Variants in ANKS1B observed in about 807,000 individuals in gnomAD.
ANKS1B encodes the protein ankyrin repeat and sterile alpha motif domain containing 1B.
Under a neutral mutation model 148.3 loss-of-function variants are expected in ANKS1B, and 36 were observed. The ratio of observed to expected loss-of-function variants is 0.24; its 90% CI spans 0.19 to 0.32. ANKS1B has a LOEUF of 0.32. ANKS1B is among the 10% of genes least tolerant of loss of function. ANKS1B has a pLI of 1.00. For synonymous variants in ANKS1B, 542 were observed against 560.8 expected (o/e 0.97, Z 0.47); for missense variants, 1,157 against 1,542.6 (o/e 0.75, Z 4.19).
intron 12 of ANKS1B, among the ~76,000 whole-genome samples, chr12:99,377,110 C>T (rs112654074): frequency 0.12 from 18,847 of 151,784 alleles, 1,232 homozygotes; most frequent in African/African-American, 0.17. Flanking sequence ...CAGGTTCAAG[C>T]GATTCTCCTG....
intron 9 of ANKS1B, among the ~76,000 whole-genome samples, chr12:99,595,376 T>C (rs1255536041): frequency 6.6e-6 from 1 of 151,940 alleles, no homozygotes; most frequent in African/African-American, 2.4e-5. Flanking sequence ...CTCGTGTTAT[T>C]AGAAAATTGT....
At chr12:99,652,160 A>G (rs2098424584) in intron 9 of ANKS1B, among the ~76,000 whole-genome samples, 1 of 152,012 alleles carries the variant, frequency 6.6e-6, no homozygotes, top group African/African-American at 2.4e-5. Context: ...AGACACACAC[A>G]CACACACATT....
chr12:99,476,827 G>A (rs563566633), intron 10 of ANKS1B, among the ~76,000 whole-genome samples: 5 of 152,024 alleles, frequency 3.3e-5, no homozygotes, highest in Non-Finnish European at 7.4e-5. Flanking sequence ...TCAGGGTCTC[G>A]AAGGCTGCAA....
intron 9 of ANKS1B, among the ~76,000 whole-genome samples, chr12:99,616,169 T>C (rs1188780678): frequency 4.6e-5 from 7 of 152,182 alleles, no homozygotes; most frequent in Non-Finnish European, 7.3e-5. Context: ...AAACGTTCCA[T>C]GCTCATGGAT....
intron 12 of ANKS1B, among the ~76,000 whole-genome samples, chr12:99,325,360 G>A (rs2086112247): frequency 6.6e-6 from 1 of 152,062 alleles, no homozygotes; most frequent in South Asian, 2.1e-4. Context: ...GCTTTATGAA[G>A]AGTTTATGGG....
rs530830457 is a variant in ANKS1B, at chr12:99,528,093, G to A, written c.1273-23452C>T. ...ACATGTCTACAACCATTTGATCTTC[G>A]CCAAACCTGACAAAAACAAGCAACG... On this transcript the variant is annotated intron_variant, in intron 9 of 26. Transcript: ENST00000683438. Among the ~76,000 whole-genome samples, 121 of 151,988 alleles carry A rather than the reference G, an allele frequency of 8.0e-4. No individual in the cohort carries two copies. In the Middle Eastern group the frequency reaches 0.014, roughly 17 times the overall value.
intron 9 of ANKS1B, among the ~76,000 whole-genome samples, chr12:99,551,467 C>T (rs2097216606): frequency 1.4e-5 from 2 of 144,296 alleles, no homozygotes; most frequent in South Asian, 4.4e-4. Flanking sequence ...TGGCAGGAAC[C>T]ATAACCTAAC....
chr12:99,944,678 T>C (rs1414274726), intron 1 of ANKS1B, among the ~76,000 whole-genome samples: 1 of 152,150 alleles, frequency 6.6e-6, no homozygotes, highest in African/African-American at 2.4e-5. Flanking sequence ...TCTTAATCTA[T>C]AAGGACTTTA....
At chr12:99,055,464 A>G (rs2099968988) in intron 16 of ANKS1B, among the ~76,000 whole-genome samples, 1 of 152,222 alleles carries the variant, frequency 6.6e-6, no homozygotes, top group Admixed American at 6.5e-5. Context: ...GAACTGTGCA[A>G]TGGGGTTACC....
chr12:99,602,160 G>A (rs1003006402), intron 9 of ANKS1B, among the ~76,000 whole-genome samples: 5 of 151,958 alleles, frequency 3.3e-5, no homozygotes, highest in African/African-American at 1.2e-4. Context: ...GCATGCTAAA[G>A]TGCCATACTT....
chr12:99,465,942 C>T (rs958133681), intron 10 of ANKS1B, among the ~76,000 whole-genome samples: 1 of 152,122 alleles, frequency 6.6e-6, no homozygotes, highest in African/African-American at 2.4e-5. Context: ...ACCAAGCAGA[C>T]CTAATAGACA....
chr12:99,107,622 A>G (rs2059489068), intron 15 of ANKS1B, among the ~76,000 whole-genome samples: 1 of 152,204 alleles, frequency 6.6e-6, no homozygotes, highest in African/African-American at 2.4e-5. Context: ...ACTAGTAACT[A>G]AAAAAGATTA....
chr12:99,696,884 A>G (rs1023323329), intron 8 of ANKS1B, among the ~76,000 whole-genome samples: 5 of 152,204 alleles, frequency 3.3e-5, no homozygotes, highest in African/African-American at 1.2e-4. Flanking sequence ...ATACAACATA[A>G]GAAAACAAAT....
chr12:99,881,987 A>G (rs1256976345), intron 1 of ANKS1B, among the ~76,000 whole-genome samples: 1 of 152,244 alleles, frequency 6.6e-6, no homozygotes, highest in African/African-American at 2.4e-5. Context: ...GATGATACAT[A>G]TGTTAGAATT....
chr12:99,147,957 C>A (rs1317973405), intron 15 of ANKS1B, among the ~76,000 whole-genome samples: 1 of 151,916 alleles, frequency 6.6e-6, no homozygotes, highest in Admixed American at 6.6e-5. Flanking sequence ...CAGATCAGAG[C>A]TGACTTAAAA....
At chr12:99,253,404 A>T (rs775860205) in intron 12 of ANKS1B, among the ~76,000 whole-genome samples, 4 of 152,130 alleles carry the variant, frequency 2.6e-5, no homozygotes, top group Non-Finnish European at 4.4e-5. Flanking sequence ...TCAAGCAGAG[A>T]AAAACCTGTA....
chr12:98,782,063 G>A (rs1566434221), intron 23 of ANKS1B, 63 bp downstream of exon 23: 7 of 1,395,650 alleles, frequency 5.0e-6, no homozygotes, highest in Non-Finnish European at 7.0e-6. Context: ...CCAGCAGTCA[G>A]TTTACTTCAT....
intron 17 of ANKS1B, among the ~76,000 whole-genome samples, chr12:98,874,537 A>C (rs887384237): frequency 1.4e-4 from 22 of 152,144 alleles, no homozygotes; most frequent in Admixed American, 9.8e-4. Context: ...GAAGGTGTTT[A>C]AGAGGTGACA....
At chr12:98,997,317 T>G (rs1458854561) in intron 17 of ANKS1B, among the ~76,000 whole-genome samples, 1 of 152,080 alleles carries the variant, frequency 6.6e-6, no homozygotes, top group Non-Finnish European at 1.5e-5. Flanking sequence ...CGTATATTGA[T>G]GAGTTGCTTG....
Sources: allele counts gnomAD v4.1 joint callset (sites outside exome capture counted in the v4.1 genomes callset), GRCh38; gene constraint gnomAD v4.1.1; transcripts MANE v1.5; gene names NCBI Gene and HGNC (gene_info 2026-07-23, HGNC 2026-07-21).